PRRG1: variants seen among roughly 807,000 people sequenced by gnomAD.
PRRG1 encodes the protein proline rich and Gla domain 1.
Under a neutral mutation model 11.8 loss-of-function variants are expected in PRRG1, and 5 were observed. That is an observed-to-expected ratio of 0.42 (90% confidence interval 0.22 to 0.89). The LOEUF (loss-of-function observed/expected upper bound fraction) is 0.89, where lower values mean the gene tolerates loss of function less well. Ranked by LOEUF, PRRG1 falls within the 40% of genes least tolerant of loss-of-function variation. The pLI is 0.28. For synonymous variants in PRRG1, 66 were observed against 60.4 expected, an observed-to-expected ratio of 1.09 and a Z score of -0.43; for missense variants, 155 against 166.1, an observed-to-expected ratio of 0.93 and a Z score of 0.37.
At chrX:37,391,689 G>T (rs369692507) in intron 1 of PRRG1, among the ~76,000 whole-genome samples, 1 of 111,606 alleles carries the variant, frequency 9.0e-6, no homozygotes, top group East Asian at 2.8e-4. Context: ...CATCATTGTG[G>T]ATGAAATAAA....
chrX:37,369,868 G>A (rs1010399910), intron 1 of PRRG1, among the ~76,000 whole-genome samples: 1 of 111,385 alleles, frequency 9.0e-6, no homozygotes, highest in Non-Finnish European at 1.9e-5. Context: ...CTGCCATCAT[G>A]TAAGACATCC....
chrX:37,407,819 C>T (rs1188211764), intron 2 of PRRG1, among the ~76,000 whole-genome samples: 1 of 111,678 alleles, frequency 9.0e-6, no homozygotes, highest in Non-Finnish European at 1.9e-5. Flanking sequence ...GTCATGCAAG[C>T]AACTGAGAAT....
chrX:37,369,150 C>T (rs1930677197), intron 1 of PRRG1, among the ~76,000 whole-genome samples: 1 of 111,992 alleles, frequency 8.9e-6, no homozygotes. Flanking sequence ...TCTGAGTATC[C>T]CAATTCCATC....
chrX:37,426,725 A>G (rs1169015029), intron 3 of PRRG1, among the ~76,000 whole-genome samples: 1 of 112,593 alleles, frequency 8.9e-6, no homozygotes, highest in Non-Finnish European at 1.9e-5. Context: ...ACAGGGTTAG[A>G]AATAGGGAAA....
rs1921245556 is a variant in PRRG1 at position 37,453,680 on chromosome X, G to T, written c.*59G>T. On this transcript the variant is annotated 3_prime_UTR_variant, in exon 4 of 4. Coordinates refer to ENST00000378628, the MANE Select transcript of PRRG1 (RefSeq NM_001142395.2). The stretch of plus-strand genomic sequence containing the variant: ...AAAATACTAATGGAAGAACTTTCTA[G>T]CACTTTACCACTACATAAATGTTCA... 8 of 1,054,861 alleles carry T rather than the reference G, an allele frequency of 7.6e-6. No homozygotes were observed. The highest frequency in any genetic ancestry group is 1.0e-5 in the Non-Finnish European group (8 of 794,651). The allele number at this position is 1,054,861 out of a possible 1,213,427, so 86.9% of individuals were successfully genotyped here.
At chrX:37,373,930 T>C (rs782797272) in intron 1 of PRRG1, among the ~76,000 whole-genome samples, 1 of 111,665 alleles carries the variant, frequency 9.0e-6, no homozygotes, top group Non-Finnish European at 1.9e-5. Flanking sequence ...ATGGCCTTTA[T>C]TGTGTTAAGA....
intron 1 of PRRG1, among the ~76,000 whole-genome samples, chrX:37,393,673 A>G (rs782015617): frequency 1.3e-4 from 14 of 111,770 alleles, no homozygotes; most frequent in Admixed American, 3.8e-4. Context: ...AAGTTACTCT[A>G]TTACCTTAAG....
chrX:37,433,203 A>G (rs1569448244), intron 3 of PRRG1, among the ~76,000 whole-genome samples: 1 of 111,501 alleles, frequency 9.0e-6, no homozygotes, highest in Non-Finnish European at 1.9e-5. Context: ...CCCTCAGTAA[A>G]GGCCAAAGTG....
In PRRG1 at chrX:37,379,906, A is replaced by G. The variant is rs1198895061; in HGVS notation, c.-41-26303A>G. ...TGGCCTCCTCCCTCAAAGAACTTGC[A>G]ATCTGGGGAGAATAATATACACACA... On this transcript the variant is annotated intron_variant, in intron 1 of 3. Coordinates refer to ENST00000378628, the MANE Select transcript of PRRG1 (RefSeq NM_001142395.2). Among the ~76,000 whole-genome samples the G allele has an allele frequency of 2.7e-5, 3 of 111,318 alleles. No individual in the cohort carries two copies. In the Admixed American group the frequency reaches 2.9e-4, roughly 11 times the overall value.
Position 37,453,357 on chromosome X carries a change from A to ACCCCCC in PRRG1, c.396_401dup (p.Pro134_Pro135dup). 8.5e-7 allele frequency: 1 copy of ACCCCCC among 1,179,531 alleles called. No homozygotes were observed. Among genetic ancestry groups the ACCCCCC allele is most frequent in the Non-Finnish European group, 1.1e-6 (1 of 877,140 alleles). ...CTCAGCACCTTAATATTATCACCCC[A>ACCCCCC]CCCCCCCCACCAGATGAAGTGTTTG... On this transcript the variant is annotated inframe_insertion, in exon 4 of 4. Coordinates refer to ENST00000378628, the MANE Select transcript of PRRG1 (RefSeq NM_001142395.2).
intron 2 of PRRG1, among the ~76,000 whole-genome samples, chrX:37,415,535 A>G (rs1745425949): frequency 8.9e-6 from 1 of 112,478 alleles, no homozygotes; most frequent in African/African-American, 3.2e-5. Context: ...TACATGTAGA[A>G]TCAATAGGAA....
chrX:37,369,733 G>T (rs782004534), intron 1 of PRRG1, among the ~76,000 whole-genome samples: 31 of 111,417 alleles, frequency 2.8e-4, no homozygotes, highest in African/African-American at 9.5e-4. Context: ...TCATAGGAGG[G>T]ACCTGGTGGG....
At chrX:37,393,386 T>A (rs1204123818) in intron 1 of PRRG1, among the ~76,000 whole-genome samples, 1 of 110,324 alleles carries the variant, frequency 9.1e-6, no homozygotes, top group African/African-American at 3.3e-5. Flanking sequence ...CAAGCTTTTA[T>A]ATCAATTATT....
chrX:37,378,873 A>G (rs782134008), intron 1 of PRRG1, among the ~76,000 whole-genome samples: 8 of 110,036 alleles, frequency 7.3e-5, no homozygotes, highest in African/African-American at 2.6e-4. Context: ...TTGATTCATT[A>G]AGGTATCCTT....
At chrX:37,349,532 G>C (rs781871678) in intron 1 of PRRG1, 137 bp downstream of exon 1, 6 of 112,743 alleles carry the variant, frequency 5.3e-5, no homozygotes, top group Admixed American at 4.6e-4. Flanking sequence ...AGCGTTGGTA[G>C]CGACGCTGCC....
chrX:37,426,105 T>A (rs1260345941), intron 3 of PRRG1, 105 bp downstream of exon 3: 1 of 903,415 alleles, frequency 1.1e-6, no homozygotes, highest in Non-Finnish European at 1.5e-6. Flanking sequence ...AATTAAAAAT[T>A]CCTTTGTTAG....
intron 1 of PRRG1, among the ~76,000 whole-genome samples, chrX:37,382,258 CAT>C (rs1430844610): frequency 1.8e-5 from 2 of 111,257 alleles, no homozygotes; most frequent in Non-Finnish European, 1.9e-5. Flanking sequence ...TTAATTGACA[CAT>C]GTGAAGAGCT....
At chrX:37,350,467 G>A (rs1930024828) in intron 1 of PRRG1, among the ~76,000 whole-genome samples, 1 of 111,703 alleles carries the variant, frequency 9.0e-6, no homozygotes, top group Admixed American at 9.5e-5. Context: ...TCAATCAAGA[G>A]TGGATTATTG....
intron 3 of PRRG1, among the ~76,000 whole-genome samples, chrX:37,434,441 T>C (rs1932863681): frequency 8.9e-6 from 1 of 111,963 alleles, no homozygotes; most frequent in African/African-American, 3.2e-5. Flanking sequence ...CACAAAGGCT[T>C]ATATGAGCAT....
Sources: gnomAD v4.1 joint callset for allele counts (sites outside exome capture counted in the v4.1 genomes callset) on GRCh38, gnomAD v4.1.1 for gene constraint, MANE v1.5 for transcripts, NCBI Gene and HGNC (gene_info 2026-07-23, HGNC 2026-07-21) for gene names.